ERCC6: variants seen among roughly 807,000 people sequenced by gnomAD.
ERCC6 encodes the protein DNA excision repair protein ERCC-6.
Under a neutral mutation model 158.7 loss-of-function variants are expected in ERCC6, and 116 were observed. The ratio of observed to expected loss-of-function variants is 0.73; its 90% CI spans 0.63 to 0.85. The LOEUF is 0.85. ERCC6 is among the 40% of genes least tolerant of loss of function. The pLI is 0.00. For synonymous variants in ERCC6, 678 were observed against 659.3 expected, an observed-to-expected ratio of 1.03 and a Z score of -0.43; for missense variants, 1,698 against 1,799.4, an observed-to-expected ratio of 0.94 and a Z score of 1.02.
At chr10:49,520,719 T>C (rs1429174267) in intron 5 of ERCC6, among the ~76,000 whole-genome samples, 1 of 152,120 alleles carries the variant, frequency 6.6e-6, no homozygotes, top group Non-Finnish European at 1.5e-5. Context: ...GCCCCCTGAA[T>C]AGACTACCAC....
chr10:49,465,065 C>A (rs1850650361), intron 18 of ERCC6, among the ~76,000 whole-genome samples: 1 of 152,236 alleles, frequency 6.6e-6, no homozygotes, highest in Non-Finnish European at 1.5e-5. Flanking sequence ...CCTGGAAAGG[C>A]TGCAGACACT....
intron 19 of ERCC6, among the ~76,000 whole-genome samples, chr10:49,461,122 A>G (rs1850574220): frequency 6.6e-6 from 1 of 152,164 alleles, no homozygotes; most frequent in African/African-American, 2.4e-5. Flanking sequence ...CTCAAATAAA[A>G]CCAATCACTT....
At chr10:49,510,524 C>T (rs967880742) in intron 5 of ERCC6, among the ~76,000 whole-genome samples, 30 of 152,104 alleles carry the variant, frequency 2.0e-4, no homozygotes, top group Admixed American at 1.7e-3. Context: ...TTCCAAGGGC[C>T]CTCCCAATCC....
chr10:49,537,117 G>A (rs147708951), intron 1 of ERCC6, among the ~76,000 whole-genome samples: 2,242 of 152,108 alleles, frequency 0.015, 48 homozygotes, highest in African/African-American at 0.05. Flanking sequence ...AGGCCGAGGC[G>A]GGAGGATCAC....
chr10:49,516,956 C>G, intron 5 of ERCC6: 1 of 1,614,068 alleles, frequency 6.2e-7, no homozygotes, highest in Non-Finnish European at 8.5e-7. Context: ...AAGAACCTGG[C>G]AGATTATTTA....
intron 8 of ERCC6, among the ~76,000 whole-genome samples, chr10:49,491,631 G>C (rs1048694792): frequency 6.6e-6 from 1 of 152,178 alleles, no homozygotes; most frequent in African/African-American, 2.4e-5. Context: ...TCCATAATGA[G>C]TCCATGTATG....
At chr10:49,487,330 ACT>A (rs1851094200) in intron 8 of ERCC6, among the ~76,000 whole-genome samples, 1 of 152,088 alleles carries the variant, frequency 6.6e-6, no homozygotes, top group Admixed American at 6.5e-5. Context: ...TATTATGACT[ACT>A]CATCTTCCAT....
chr10:49,468,841 G>A (rs1290985386), intron 18 of ERCC6, among the ~76,000 whole-genome samples: 1 of 152,156 alleles, frequency 6.6e-6, no homozygotes, highest in Non-Finnish European at 1.5e-5. Flanking sequence ...ATATTAGTAT[G>A]CCAAGAAGAA....
intron 4 of ERCC6, among the ~76,000 whole-genome samples, chr10:49,526,125 A>ATT (rs1837329917): frequency 7.7e-5 from 1 of 13,028 alleles, no homozygotes; most frequent in Non-Finnish European, 2.0e-4. Flanking sequence ...TTTTATATAT[A>ATT]TATATATATA....
intron 1 of ERCC6, among the ~76,000 whole-genome samples, chr10:49,535,721 A>G (rs990324280): frequency 6.6e-6 from 1 of 152,286 alleles, no homozygotes; most frequent in Non-Finnish European, 1.5e-5. Context: ...GGTTAAAAAT[A>G]AAGAAGTTTG....
chr10:49,533,905 G>A (rs183937055), intron 1 of ERCC6, among the ~76,000 whole-genome samples: 7 of 151,868 alleles, frequency 4.6e-5, no homozygotes, highest in Admixed American at 6.6e-5. Flanking sequence ...AGGCTGAAGC[G>A]GGCAGATTAC....
intron 18 of ERCC6, among the ~76,000 whole-genome samples, chr10:49,465,373 C>T (rs1018337086): frequency 6.6e-5 from 10 of 152,192 alleles, no homozygotes; most frequent in Non-Finnish European, 1.0e-4. Context: ...TTTGATTTTA[C>T]AGGCTCATAG....
intron 5 of ERCC6, among the ~76,000 whole-genome samples, chr10:49,519,002 A>C (rs1007643699): frequency 2.0e-5 from 3 of 152,226 alleles, no homozygotes; most frequent in Admixed American, 2.0e-4. Context: ...CTACAGATTC[A>C]GGTTACACCA....
chr10:49,455,024 T>C lies in ERCC6; in HGVS notation c.*3791A>G, dbSNP rs943832613. 3.3e-5 allele frequency among the ~76,000 whole-genome samples: 5 copies of C among 152,248 alleles called. No homozygotes were observed. Among genetic ancestry groups the C allele is most frequent in the African/African-American group, 9.6e-5 (4 of 41,554 alleles). ...TGTATTCATGACCCTAGCTAGGGAA[T>C]GGTTCTTAAATAAACAAAAAAAAAT... On this transcript the variant is annotated 3_prime_UTR_variant, in exon 21 of 21. Coordinates refer to ENST00000355832, the MANE Select transcript of ERCC6 (RefSeq NM_000124.4).
Position 49,492,920 on chromosome 10 carries a change from G to T in ERCC6, c.1821+197C>A, listed in dbSNP as rs4253134. Among the ~76,000 whole-genome samples, 1,337 of 152,070 alleles carry T rather than the reference G, an allele frequency of 8.8e-3. 13 individuals are homozygous for T. The highest frequency in any genetic ancestry group is 0.031 in the Middle Eastern group (9 of 294). ...GTCACAACACCACCACAGACTGTTAGAACAATAAGACCTATATTCATAACT... is the reference window on the plus strand; with the variant it reads ...GTCACAACACCACCACAGACTGTTATAACAATAAGACCTATATTCATAACT... On this transcript the variant is annotated intron_variant, in intron 8 of 20. Transcript: ENST00000355832.
intron 7 of ERCC6, among the ~76,000 whole-genome samples, chr10:49,496,802 C>G (rs1851275064): frequency 6.6e-6 from 1 of 152,116 alleles, no homozygotes; most frequent in Admixed American, 6.5e-5. Flanking sequence ...GAGCGAGACT[C>G]TGTCTCAGAA....
intron 7 of ERCC6, 80 bp downstream of exon 7, chr10:49,500,458 A>T (rs1178900145): frequency 6.8e-7 from 1 of 1,480,186 alleles, no homozygotes; most frequent in Non-Finnish European, 9.4e-7. Context: ...AATAATTCAC[A>T]AGACCCTCCT....
intron 9 of ERCC6, among the ~76,000 whole-genome samples, 187 bp from the exon 10 acceptor site, chr10:49,483,050 A>G (rs150804833): frequency 6.6e-6 from 1 of 152,316 alleles, no homozygotes; most frequent in Non-Finnish European, 1.5e-5. Flanking sequence ...TGAAAAAATG[A>G]GAAAGAATTT....
At chr10:49,453,174 TG>T (rs1564722295), downstream of ERCC6, among the ~76,000 whole-genome samples, 1 of 152,168 alleles carries the variant, frequency 6.6e-6, no homozygotes, top group Non-Finnish European at 1.5e-5. Context: ...ATTTGATTAA[TG>T]ATTTTTCAAC....
Sources: allele counts gnomAD v4.1 joint callset (sites outside exome capture counted in the v4.1 genomes callset), GRCh38; gene constraint gnomAD v4.1.1; transcripts MANE v1.5; gene names NCBI Gene and HGNC (gene_info 2026-07-23, HGNC 2026-07-21).